RFX2: variants seen among roughly 807,000 people sequenced by gnomAD.
The protein encoded by RFX2 is regulatory factor X2, also known as DNA-binding protein RFX2.
Under a neutral mutation model 87.8 loss-of-function variants are expected in RFX2, and 20 were observed. The observed-to-expected ratio is 0.23, with a 90% CI of 0.16 to 0.33. The LOEUF (loss-of-function observed/expected upper bound fraction) is 0.33. Ranked by LOEUF, RFX2 falls within the 10% of genes least tolerant of loss-of-function variation. The probability of loss-of-function intolerance (pLI) is 1.00; values close to 1 mark genes in which losing one functional copy is unlikely to be tolerated. For missense variants in RFX2, 767 were observed against 1,012.3 expected, an observed-to-expected ratio of 0.76 and a Z score of 3.29; for synonymous variants, 397 against 431.3, an observed-to-expected ratio of 0.92 and a Z score of 0.98.
chr19:6,038,335 A>AC (rs1222386564), intron 5 of RFX2, among the ~76,000 whole-genome samples: 1 of 149,288 alleles, frequency 6.7e-6, no homozygotes, highest in East Asian at 2.0e-4. Context: ...TCAGAAAAAA[A>AC]AAAAAAAAAA....
intron 1 of RFX2, among the ~76,000 whole-genome samples, chr19:6,079,789 T>C (rs1352759745): frequency 6.6e-6 from 1 of 150,472 alleles, no homozygotes; most frequent in Non-Finnish European, 1.5e-5. Flanking sequence ...GGGAGGCCGA[T>C]GCAGGAAAAT....
In RFX2 at chr19:5,997,073, G is replaced by A. The variant is rs773367141; in HGVS notation, c.2000C>T (p.Ala667Val). ...VAEATGETPI[A>V]VMGEFNDLAS... ...GAGGGTCCTCACCTCTCCCATCACA[G>A]CGATCGGCGTCTCTCCGGTGGCCTC... The change falls in exon 16 of 18, where the codon GCT becomes GTT. Residue 667 changes from alanine to valine, a missense_variant. By Grantham distance (64) the Ala-to-Val change is moderately conservative. Coordinates refer to ENST00000303657, the MANE Select transcript of RFX2 (RefSeq NM_000635.4). This position sits in a 1 kb window ranked among gnomAD's most constrained non-coding sequence, Gnocchi z 4.2. 2.5e-6 allele frequency: 4 copies of A among 1,611,440 alleles called. No individual in the cohort carries two copies. The highest frequency in any genetic ancestry group is 2.2e-5 in the East Asian group (1 of 44,868).
At chr19:6,029,814 C>T (rs186540954) in intron 5 of RFX2, among the ~76,000 whole-genome samples, 1 of 152,274 alleles carries the variant, frequency 6.6e-6, no homozygotes, top group African/African-American at 2.4e-5. Context: ...AATAAAATTT[C>T]TGGAGTTGAA....
chr19:6,084,630 T>TC (rs1426391693), intron 1 of RFX2, among the ~76,000 whole-genome samples: 1 of 132,714 alleles, frequency 7.5e-6, no homozygotes, highest in Non-Finnish European at 1.5e-5. Flanking sequence ...TCCTTTTTTT[T>TC]CTTTCTTTCT....
At chr19:6,062,240 C>T (rs1251990966) in intron 1 of RFX2, among the ~76,000 whole-genome samples, 1 of 152,212 alleles carries the variant, frequency 6.6e-6, no homozygotes, top group Non-Finnish European at 1.5e-5. Flanking sequence ...AGGGACACAA[C>T]CCCAAGGACA....
chr19:6,054,050 A>G (rs2087299322), intron 1 of RFX2, among the ~76,000 whole-genome samples: 1 of 152,046 alleles, frequency 6.6e-6, no homozygotes, highest in South Asian at 2.1e-4. Context: ...CAAATTGCCA[A>G]TATCAGGAAT....
At chr19:6,009,359 G>A (rs1294966039) in intron 9 of RFX2, among the ~76,000 whole-genome samples, 1 of 152,114 alleles carries the variant, frequency 6.6e-6, no homozygotes, top group Non-Finnish European at 1.5e-5. Flanking sequence ...CTCCCTCATG[G>A]CAGGCTCTGA....
At position 6,101,608 on chromosome 19, in the gene RFX2, C is replaced by G. The variant is rs1337909551; in HGVS notation, c.-9+8785G>C. ...CTGTTGCAGCTTTAGGAATGGACTT[C>G]TATATCATTGGTATAATTTCAACAG... On this transcript the variant is annotated intron_variant, in intron 1 of 17. Transcript: ENST00000303657. This position sits in a 1 kb window ranked among gnomAD's most constrained non-coding sequence, Gnocchi z 4.9. Among the ~76,000 whole-genome samples the G allele has an allele frequency of 1.3e-5, 2 of 152,212 alleles. No homozygotes were observed. The highest frequency in any genetic ancestry group is 2.9e-5 in the Non-Finnish European group (2 of 68,034).
chr19:5,994,976 G>A lies in RFX2; in HGVS notation c.2057-26C>T, dbSNP rs1311265461. On this transcript the variant is annotated intron_variant, in intron 17 of 17. Coordinates refer to ENST00000303657, the MANE Select transcript of RFX2 (RefSeq NM_000635.4). ...CTGCGGAGGGAGGGGTAGGGTCAGTGTCCATCATCAGGAGGGCACGAGAGG... is the reference window on the plus strand; with the variant it reads ...CTGCGGAGGGAGGGGTAGGGTCAGTATCCATCATCAGGAGGGCACGAGAGG... The A allele has an allele frequency of 3.8e-6, 6 of 1,560,848 alleles. No homozygotes were observed. In the South Asian group the frequency reaches 5.5e-5, roughly 14 times the overall value.
Position 6,104,677 on chromosome 19 carries a change from G to A in RFX2, c.-9+5716C>T, listed in dbSNP as rs1215628823. Among the ~76,000 whole-genome samples the A allele has an allele frequency of 6.8e-4, 104 of 152,262 alleles. 1 individual carries two copies. Among genetic ancestry groups the A allele is most frequent in the Non-Finnish European group, 8.8e-5 (6 of 68,028 alleles). ...CTGCCCTAGCCTCCCAGGTAGCTGA[G>A]ATTGCAGGTGTGAGCCACCACACCC... On this transcript the variant is annotated intron_variant, in intron 1 of 17. Transcript: ENST00000303657.
Position 6,010,110 on chromosome 19 carries a change from C to T in RFX2, c.1015+26G>A. 1.4e-6 allele frequency: 2 copies of T among 1,444,946 alleles called. No homozygotes were observed. Among genetic ancestry groups the T allele is most frequent in the Non-Finnish European group, 1.9e-6 (2 of 1,055,548 alleles). 89.5% of individuals were successfully genotyped at this position (1,444,946 alleles called of 1,614,324 possible). On this transcript the variant is annotated intron_variant, in intron 9 of 17. Transcript: ENST00000303657. The surrounding 1 kb of genome is among the most constrained non-coding windows in gnomAD (Gnocchi z 5.0). Reference sequence around the variant, plus strand: ...GTGTGGCGAGCAGATGGGAGCCCCGCCCCCGGGCCTGACCGGGCCTCTCAC... The same window carrying T: ...GTGTGGCGAGCAGATGGGAGCCCCGTCCCCGGGCCTGACCGGGCCTCTCAC...
intron 1 of RFX2, among the ~76,000 whole-genome samples, chr19:6,094,331 G>T (rs1340386161): frequency 2.0e-5 from 3 of 152,058 alleles, no homozygotes; most frequent in Admixed American, 6.5e-5. Context: ...CTACACACAG[G>T]ATCCCAAAGT....
chr19:6,002,614 G>T lies in RFX2; in HGVS notation c.1650+107C>A. 1 of 1,406,030 alleles carries T rather than the reference G, an allele frequency of 7.1e-7. No individual in the cohort carries two copies. Among genetic ancestry groups the T allele is most frequent in the Non-Finnish European group, 9.8e-7 (1 of 1,016,674 alleles). 87.1% of individuals were successfully genotyped at this position (1,406,030 alleles called of 1,614,324 possible). A position where few individuals can be genotyped will look rare whatever the true frequency, so the allele number is the denominator to read the frequency against. ...GTGTCATGCAACAGAACCGTGGCCA[G>T]GCTCGGGGCAGGGGCCAGGTTGTGC... On this transcript the variant is annotated intron_variant, in intron 14 of 17. Coordinates refer to ENST00000303657, the MANE Select transcript of RFX2 (RefSeq NM_000635.4). This position sits in a 1 kb window ranked among gnomAD's most constrained non-coding sequence, Gnocchi z 6.7.
chr19:6,059,652 T>G (rs7247400), intron 1 of RFX2, among the ~76,000 whole-genome samples: 1 of 152,048 alleles, frequency 6.6e-6, no homozygotes, highest in African/African-American at 2.4e-5. Context: ...GGAGTGGACA[T>G]GAGAGTGTCA....
chr19:6,097,769 G>T (rs1365451996), intron 1 of RFX2, among the ~76,000 whole-genome samples: 1 of 152,024 alleles, frequency 6.6e-6, no homozygotes, highest in Non-Finnish European at 1.5e-5. Flanking sequence ...TGTGTGTGGA[G>T]ACAGAGTCTT....
At chr19:6,006,320 A>G (rs920117020) in intron 12 of RFX2, among the ~76,000 whole-genome samples, 1 of 151,674 alleles carries the variant, frequency 6.6e-6, no homozygotes, top group Admixed American at 6.6e-5. Context: ...ACACCACACC[A>G]GCTAATTTTT....
chr19:6,077,905 G>A (rs567986549), intron 1 of RFX2, among the ~76,000 whole-genome samples: 33 of 151,300 alleles, frequency 2.2e-4, no homozygotes, highest in Admixed American at 6.6e-5. Flanking sequence ...GCTTGAACCC[G>A]GGAGGCGGAG....
intron 5 of RFX2, among the ~76,000 whole-genome samples, chr19:6,033,836 A>C (rs182117323): frequency 6.6e-6 from 1 of 151,984 alleles, no homozygotes; most frequent in African/African-American, 2.4e-5. Context: ...ATGAAGTTTT[A>C]AAAAAAAGTG....
chr19:6,035,337 G>A (rs1355131400), intron 5 of RFX2, among the ~76,000 whole-genome samples: 1 of 152,048 alleles, frequency 6.6e-6, no homozygotes, highest in Non-Finnish European at 1.5e-5. Context: ...CAGTAAAAAA[G>A]GAGGTTCCAC....
Sources: allele counts gnomAD v4.1 joint callset (sites outside exome capture counted in the v4.1 genomes callset), GRCh38; gene constraint gnomAD v4.1.1; non-coding constraint Gnocchi (gnomAD v3.1); transcripts MANE v1.5; gene names NCBI Gene and HGNC (gene_info 2026-07-23, HGNC 2026-07-21).